The following ERCC6L2 variants were observed in gnomAD, a reference collection of about 807,000 sequenced individuals.
ERCC6L2 encodes DNA excision repair protein ERCC-6-like 2.
In ERCC6L2, 77 loss-of-function variants were observed where a neutral mutation model predicts 132.0. The ratio of observed to expected loss-of-function variants is 0.58; its 90% confidence interval spans 0.49 to 0.71. The LOEUF is 0.71. Among genes scored for constraint, ERCC6L2 ranks in the 30% least tolerant of loss-of-function variants. ERCC6L2 has a pLI of 0.00. For missense variants in ERCC6L2, 1,542 were observed against 1,837.6 expected (o/e 0.84, Z 2.94); for synonymous variants, 583 against 632.4 (o/e 0.92, Z 1.17).
At chr9:95,923,454 A>G in intron 9 of ERCC6L2, 75 bp downstream of exon 9, 1 of 1,513,348 alleles carries the variant, frequency 6.6e-7, no homozygotes, top group Non-Finnish European at 9.1e-7. Context: ...CAGAGACACC[A>G]ACTAATCAGA....
At chr9:95,916,517 A>G (rs1829599644) in intron 6 of ERCC6L2, 83 bp downstream of exon 6, 1 of 1,151,652 alleles carries the variant, frequency 8.7e-7, no homozygotes, top group East Asian at 2.7e-5. Context: ...CTCCTGTGGC[A>G]TTTTGTAAAT....
intron 11 of ERCC6L2, among the ~76,000 whole-genome samples, chr9:95,936,684 A>AC (rs1429138374): frequency 6.6e-6 from 1 of 152,204 alleles, no homozygotes; most frequent in African/African-American, 2.4e-5. Flanking sequence ...CATTATCACA[A>AC]CCAGGATACT....
chr9:95,927,155 TA>T (rs1272235505), intron 9 of ERCC6L2, among the ~76,000 whole-genome samples: 4 of 152,142 alleles, frequency 2.6e-5, no homozygotes, highest in Non-Finnish European at 5.9e-5. Flanking sequence ...TAAATTTGGT[TA>T]TCTGAGTAGA....
chr9:96,032,218 G>A (rs1235761942), intron 19 of ERCC6L2, among the ~76,000 whole-genome samples: 3 of 151,890 alleles, frequency 2.0e-5, no homozygotes, highest in Non-Finnish European at 2.9e-5. Flanking sequence ...TCAGGGAAAG[G>A]CCAGGGACCC....
chr9:95,998,003 T>C (rs78316267), intron 17 of ERCC6L2, among the ~76,000 whole-genome samples: 2,158 of 152,354 alleles, frequency 0.014, 45 homozygotes, highest in African/African-American at 0.049. Flanking sequence ...ATAAAGTAGA[T>C]ATTGTTTTTC....
chr9:95,904,925 TTTTA>T (rs759353200), intron 3 of ERCC6L2: 5 of 152,204 alleles, frequency 3.3e-5, no homozygotes, highest in South Asian at 2.1e-4. Flanking sequence ...TGAATTTTAA[TTTTA>T]TTTGTGTTAA....
chr9:95,897,696 TAAAG>T (rs1479769821), intron 2 of ERCC6L2, among the ~76,000 whole-genome samples, 149 bp from the exon 3 acceptor site: 4 of 152,098 alleles, frequency 2.6e-5, no homozygotes, highest in Non-Finnish European at 5.9e-5. Flanking sequence ...TTATTACAAA[TAAAG>T]AAAATCAGTA....
chr9:95,915,998 T>TTA (rs1167057104), intron 5 of ERCC6L2, among the ~76,000 whole-genome samples, 169 bp downstream of exon 5: 3 of 152,200 alleles, frequency 2.0e-5, no homozygotes, highest in African/African-American at 7.2e-5. Context: ...AAACCTATCT[T>TTA]TATATATATT....
intron 16 of ERCC6L2, among the ~76,000 whole-genome samples, chr9:95,975,663 T>C (rs1305419571): frequency 6.6e-6 from 1 of 152,072 alleles, no homozygotes; most frequent in Admixed American, 6.6e-5. Flanking sequence ...TAGTTACTTG[T>C]TCTATTCCTT....
intron 17 of ERCC6L2, among the ~76,000 whole-genome samples, chr9:96,004,228 C>T (rs1833786386): frequency 6.6e-6 from 1 of 152,094 alleles, no homozygotes; most frequent in Non-Finnish European, 1.5e-5. Context: ...TAATTTTTAT[C>T]CTTCTTTGGT....
At chr9:96,006,365 A>G (rs1833862170) in intron 18 of ERCC6L2, among the ~76,000 whole-genome samples, 1 of 152,230 alleles carries the variant, frequency 6.6e-6, no homozygotes, top group East Asian at 1.9e-4. Flanking sequence ...GAAGCAGATG[A>G]GGTGGGAAAC....
intron 12 of ERCC6L2, among the ~76,000 whole-genome samples, chr9:95,948,792 A>G (rs112460657): frequency 0.017 from 1,622 of 93,780 alleles, 33 homozygotes; most frequent in African/African-American, 0.065. Flanking sequence ...AAGACATTAG[A>G]AAAAAAAAAA....
chr9:95,878,803 A>C (rs1308856324), intron 1 of ERCC6L2, among the ~76,000 whole-genome samples: 1 of 151,518 alleles, frequency 6.6e-6, no homozygotes, highest in Admixed American at 6.6e-5. Context: ...GATGATTTCC[A>C]GTTTCATCCA....
At chr9:96,000,377 T>G (rs1317453090) in intron 17 of ERCC6L2, among the ~76,000 whole-genome samples, 1 of 152,044 alleles carries the variant, frequency 6.6e-6, no homozygotes, top group Non-Finnish European at 1.5e-5. Context: ...TCAGTTTCAA[T>G]AAAATGAACC....
chr9:95,893,766 A>AT (rs1460276877), intron 2 of ERCC6L2, among the ~76,000 whole-genome samples: 1 of 151,546 alleles, frequency 6.6e-6, no homozygotes, highest in East Asian at 1.9e-4. Flanking sequence ...CCTTTTCTCT[A>AT]TTTTTTCTTC....
chr9:95,955,297 T>C (rs1185424858), intron 12 of ERCC6L2, among the ~76,000 whole-genome samples: 1 of 152,210 alleles, frequency 6.6e-6, no homozygotes, highest in African/African-American at 2.4e-5. Context: ...TAATTACTTT[T>C]TGCTAAGTTG....
chr9:96,032,172 G>A (rs1834468196), intron 19 of ERCC6L2, among the ~76,000 whole-genome samples: 1 of 151,994 alleles, frequency 6.6e-6, no homozygotes, highest in Admixed American at 6.6e-5. Context: ...CACTCACCCT[G>A]AGCCCCAAAG....
chr9:95,919,284 A>G (rs976852720), intron 6 of ERCC6L2, among the ~76,000 whole-genome samples: 12 of 152,238 alleles, frequency 7.9e-5, no homozygotes, highest in African/African-American at 2.4e-4. Flanking sequence ...TTTATTGCCA[A>G]TAATCTGATG....
chr9:95,893,476 C>T (rs1300484912), intron 2 of ERCC6L2, among the ~76,000 whole-genome samples: 1 of 152,140 alleles, frequency 6.6e-6, no homozygotes, highest in Non-Finnish European at 1.5e-5. Flanking sequence ...AAAACGAGGT[C>T]ACAGTATTTT....
Sources: allele counts gnomAD v4.1 joint callset (sites outside exome capture counted in the v4.1 genomes callset), GRCh38; gene constraint gnomAD v4.1.1; transcripts MANE v1.5; gene names NCBI Gene and HGNC (gene_info 2026-07-23, HGNC 2026-07-21).